The following ARHGAP42 variants were observed in gnomAD, a reference collection of about 807,000 sequenced individuals.
ARHGAP42 encodes the protein rho GTPase-activating protein 42.
ARHGAP42 carries 63 observed loss-of-function variants against 125.0 expected under a neutral mutation model. The observed-to-expected ratio is 0.50, with a 90% CI of 0.41 to 0.62. The LOEUF is 0.62. Ranked by LOEUF, ARHGAP42 falls within the 20% of genes least tolerant of loss-of-function variation. The pLI, the probability that ARHGAP42 is intolerant of heterozygous loss-of-function variation, is 0.00. For missense variants in ARHGAP42, 766 were observed against 1,024.2 expected, an observed-to-expected ratio of 0.75 and a Z score of 3.44; for synonymous variants, 339 against 351.0, an observed-to-expected ratio of 0.97 and a Z score of 0.38.
intron 3 of ARHGAP42, among the ~76,000 whole-genome samples, chr11:100,807,216 A>T (rs1222392169): frequency 1.2e-4 from 17 of 138,470 alleles, no homozygotes; most frequent in Non-Finnish European, 2.0e-4. Context: ...TTCTTTTGAG[A>T]CAGACTTTTG....
At chr11:100,769,980 A>G (rs1862935531) in intron 1 of ARHGAP42, among the ~76,000 whole-genome samples, 1 of 151,966 alleles carries the variant, frequency 6.6e-6, no homozygotes, top group South Asian at 2.1e-4. Flanking sequence ...GTATCCTGGA[A>G]CTTGAAATAA....
intron 17 of ARHGAP42, among the ~76,000 whole-genome samples, chr11:100,967,706 T>G (rs1858130904): frequency 6.6e-6 from 1 of 152,160 alleles, no homozygotes; most frequent in Non-Finnish European, 1.5e-5. Context: ...TATATATTCC[T>G]GTTAGACTGA....
chr11:100,986,197 A>G (rs1178506728), intron 22 of ARHGAP42: 2 of 423,242 alleles, frequency 4.7e-6, no homozygotes, highest in East Asian at 1.4e-4. Context: ...CACCATGCAG[A>G]CTTGAAGCAG....
At chr11:100,821,741 T>A (rs1864410324) in intron 3 of ARHGAP42, among the ~76,000 whole-genome samples, 1 of 152,166 alleles carries the variant, frequency 6.6e-6, no homozygotes, top group African/African-American at 2.4e-5. Flanking sequence ...TTCTGCTTTG[T>A]CGTATACTGT....
intron 3 of ARHGAP42, among the ~76,000 whole-genome samples, chr11:100,850,964 C>T (rs1045309803): frequency 1.3e-5 from 2 of 150,598 alleles, no homozygotes; most frequent in East Asian, 3.9e-4. Context: ...TCACAGCAAC[C>T]TCCGCCACCC....
intron 4 of ARHGAP42, among the ~76,000 whole-genome samples, chr11:100,891,427 T>G (rs2135192443): frequency 6.8e-6 from 1 of 147,364 alleles, no homozygotes; most frequent in South Asian, 2.2e-4. Context: ...GGAAATAACT[T>G]AAAAGCATCG....
intron 3 of ARHGAP42, among the ~76,000 whole-genome samples, chr11:100,844,677 A>C (rs2135117932): frequency 6.7e-6 from 1 of 148,310 alleles, no homozygotes; most frequent in South Asian, 2.1e-4. Flanking sequence ...CAAGTGGCTA[A>C]GAAACATATG....
chr11:100,818,269 C>T (rs1864316777), intron 3 of ARHGAP42, among the ~76,000 whole-genome samples: 1 of 151,802 alleles, frequency 6.6e-6, no homozygotes, highest in Non-Finnish European at 1.5e-5. Flanking sequence ...ATTATCCTTA[C>T]CATCTGGTAG....
At chr11:100,897,596 GAA>G (rs1866397540) in intron 4 of ARHGAP42, among the ~76,000 whole-genome samples, 1 of 152,082 alleles carries the variant, frequency 6.6e-6, no homozygotes, top group South Asian at 2.1e-4. Context: ...TATTCTCTTT[GAA>G]GCAATTGTGA....
At chr11:100,916,764 T>A (rs997760604) in intron 5 of ARHGAP42, among the ~76,000 whole-genome samples, 7 of 152,164 alleles carry the variant, frequency 4.6e-5, no homozygotes, top group African/African-American at 1.7e-4. Flanking sequence ...AGCACAAAAA[T>A]TGTGTAAATA....
intron 9 of ARHGAP42, 122 bp downstream of exon 9, chr11:100,942,006 G>A (rs2135272809): frequency 1.3e-6 from 1 of 772,422 alleles, no homozygotes. Flanking sequence ...AAAAATAGAA[G>A]GTCAAAGGTT....
chr11:100,866,302 A>C (rs544137604), intron 4 of ARHGAP42, among the ~76,000 whole-genome samples: 3 of 152,170 alleles, frequency 2.0e-5, no homozygotes, highest in Non-Finnish European at 2.9e-5. Context: ...GACGTCTTCA[A>C]ACCCCACCAA....
intron 4 of ARHGAP42, among the ~76,000 whole-genome samples, chr11:100,891,204 GA>G (rs1160035855): frequency 1.3e-5 from 2 of 152,270 alleles, no homozygotes; most frequent in Non-Finnish European, 2.9e-5. Context: ...AGAAGAGTCA[GA>G]AGACTCTTGT....
intron 4 of ARHGAP42, among the ~76,000 whole-genome samples, chr11:100,873,019 AACTC>A (rs1205545222): frequency 6.6e-6 from 1 of 152,186 alleles, no homozygotes; most frequent in Non-Finnish European, 1.5e-5. Context: ...TGGGAGGAAC[AACTC>A]ACTCTGGCTA....
rs191258100 is a variant in ARHGAP42 at position 100,904,456 on chromosome 11, A to T, written c.385-8996A>T. ...GAGACGGGGTTTTGCCATGTTGACCAGGCTGGTCTCGAACTCCTGACCTCA... is the reference window on the plus strand; with the variant it reads ...GAGACGGGGTTTTGCCATGTTGACCTGGCTGGTCTCGAACTCCTGACCTCA... On this transcript the variant is annotated intron_variant, in intron 4 of 23. Transcript: ENST00000298815. Among the ~76,000 whole-genome samples the T allele has an allele frequency of 3.9e-3, 592 of 152,244 alleles. 3 individuals are homozygous for T. The highest frequency in any genetic ancestry group is 0.014 in the African/African-American group (566 of 41,550).
intron 4 of ARHGAP42, among the ~76,000 whole-genome samples, chr11:100,875,595 C>A (rs1407875667): frequency 6.6e-6 from 1 of 152,128 alleles, no homozygotes; most frequent in Non-Finnish European, 1.5e-5. Flanking sequence ...TGAGACCCAC[C>A]ATTCCAGGGG....
At chr11:100,944,514 A>G (rs1195646311) in intron 10 of ARHGAP42, among the ~76,000 whole-genome samples, 1 of 152,096 alleles carries the variant, frequency 6.6e-6, no homozygotes, top group Non-Finnish European at 1.5e-5. Context: ...GTATCCATGT[A>G]TACCCTTTGT....
chr11:100,699,521 T>A (rs1212749233), intron 1 of ARHGAP42, among the ~76,000 whole-genome samples: 1,238 of 94,310 alleles, frequency 0.013, 3 homozygotes, highest in South Asian at 0.022. Flanking sequence ...TTTTTTTTTT[T>A]TTTTTTTTTT....
At chr11:100,888,320 A>G (rs993925898) in intron 4 of ARHGAP42, among the ~76,000 whole-genome samples, 1 of 152,040 alleles carries the variant, frequency 6.6e-6, no homozygotes, top group Non-Finnish European at 1.5e-5. Context: ...AATGAGTGAT[A>G]GTTTCATTTC....
Sources: allele counts gnomAD v4.1 joint callset (sites outside exome capture counted in the v4.1 genomes callset), GRCh38; gene constraint gnomAD v4.1.1; transcripts MANE v1.5; gene names NCBI Gene and HGNC (gene_info 2026-07-23, HGNC 2026-07-21).